LINGO2: variants seen among roughly 807,000 people sequenced by gnomAD.
LINGO2 encodes the protein leucine-rich repeat and immunoglobulin-like domain-containing nogo receptor-interacting protein 2.
LINGO2 carries 14 observed loss-of-function variants against 30.6 expected under a neutral mutation model. The observed-to-expected ratio is 0.46, with a 90% CI of 0.30 to 0.72. The LOEUF is 0.72. Among genes scored for constraint, LINGO2 ranks in the 30% least tolerant of loss-of-function variants. LINGO2 has a pLI of 0.07. For missense variants in LINGO2, 729 were observed against 751.7 expected, an observed-to-expected ratio of 0.97 and a Z score of 0.35; for synonymous variants, 317 against 288.5, an observed-to-expected ratio of 1.10 and a Z score of -1.00.
the LINGO2 span, among the ~76,000 whole-genome samples, chr9:29,008,240 T>C: frequency 2.6e-5 from 4 of 152,192 alleles, no homozygotes; most frequent in African/African-American, 9.6e-5. Flanking sequence ...TCCATATCCC[T>C]ACAAAGGACA....
intron 1 of LINGO2, among the ~76,000 whole-genome samples, chr9:28,573,045 T>G (rs376851174): frequency 5.9e-5 from 9 of 152,278 alleles, no homozygotes; most frequent in African/African-American, 2.2e-4. Flanking sequence ...TGTGGCAAGT[T>G]TTTCAATATC....
chr9:29,213,578 A>G, the LINGO2 span, among the ~76,000 whole-genome samples: 544 of 152,080 alleles, frequency 3.6e-3, 5 homozygotes, highest in African/African-American at 0.012. Context: ...AGCCGGGCTC[A>G]GAGCTCGGGC....
chr9:28,309,652 A>G (rs1272295685), intron 3 of LINGO2, among the ~76,000 whole-genome samples: 1 of 152,044 alleles, frequency 6.6e-6, no homozygotes, highest in Non-Finnish European at 1.5e-5. Flanking sequence ...AAAAAATTTA[A>G]AAAAATTGAT....
chr9:29,089,518 C>T, the LINGO2 span, among the ~76,000 whole-genome samples: 2 of 152,020 alleles, frequency 1.3e-5, no homozygotes, highest in African/African-American at 2.4e-5. Flanking sequence ...TATGATAGGA[C>T]ATTTTAAACA....
chr9:28,978,124 T>C, the LINGO2 span, among the ~76,000 whole-genome samples: 1 of 152,186 alleles, frequency 6.6e-6, no homozygotes, highest in Non-Finnish European at 1.5e-5. Flanking sequence ...CCACTATATA[T>C]GTGAACAGTA....
At chr9:28,756,165 T>C in the LINGO2 span, among the ~76,000 whole-genome samples, 2 of 152,030 alleles carry the variant, frequency 1.3e-5, no homozygotes, top group East Asian at 3.9e-4. Context: ...ACCTTTAGAG[T>C]TTACCCTTTG....
In LINGO2 at chr9:28,302,443, C is replaced by T. The variant is rs530868543; in HGVS notation, c.-245-7077G>A. Among the ~76,000 whole-genome samples, 15 of 152,266 alleles carry T rather than the reference C, an allele frequency of 9.9e-5. No homozygotes were observed. In the South Asian group the frequency reaches 3.1e-3, roughly 32 times the overall value. On this transcript the variant is annotated intron_variant, in intron 3 of 5. Transcript: ENST00000379992. ...CCTTTAATCCCAGCATTTTGGGAGGCCAAGACAGGTGGATTACTTGAGCTC... is the reference window on the plus strand; with the variant it reads ...CCTTTAATCCCAGCATTTTGGGAGGTCAAGACAGGTGGATTACTTGAGCTC...
At chr9:28,993,846 T>G in the LINGO2 span, among the ~76,000 whole-genome samples, 1 of 152,068 alleles carries the variant, frequency 6.6e-6, no homozygotes, top group Non-Finnish European at 1.5e-5. Flanking sequence ...CTCAATAAAT[T>G]AGGTACTGAT....
chr9:28,189,901 T>C (rs1819756499), intron 4 of LINGO2, among the ~76,000 whole-genome samples: 1 of 151,554 alleles, frequency 6.6e-6, no homozygotes, highest in South Asian at 2.1e-4. Flanking sequence ...TGGGTACTGA[T>C]GGAGAAGAGA....
chr9:28,306,659 C>T (rs891050227), intron 3 of LINGO2, among the ~76,000 whole-genome samples: 1 of 151,868 alleles, frequency 6.6e-6, no homozygotes, highest in African/African-American at 2.4e-5. Flanking sequence ...TTGAAAGGAT[C>T]AACAAAATTG....
At chr9:28,616,221 C>T (rs1161048913) in intron 1 of LINGO2, among the ~76,000 whole-genome samples, 1 of 152,024 alleles carries the variant, frequency 6.6e-6, no homozygotes, top group Middle Eastern at 3.2e-3. Context: ...CAAAATACAG[C>T]GTGAACAAAA....
In LINGO2 at chr9:28,246,140, C is replaced by A. The variant is rs115962572; in HGVS notation, c.-87+49068G>T. ...AGAATAGAGACCTCAGAAATAAGAC[C>A]ACATGCCAGGCACGGTGGCTCATGC... is the stretch of plus-strand genomic sequence containing the variant. On this transcript the variant is annotated intron_variant, in intron 4 of 5. Transcript: ENST00000379992. Among the ~76,000 whole-genome samples, 944 of 152,004 alleles carry A rather than the reference C, an allele frequency of 6.2e-3. 8 individuals are homozygous for A. Among genetic ancestry groups the A allele is most frequent in the African/African-American group, 0.021 (858 of 41,466 alleles).
intron 1 of LINGO2, among the ~76,000 whole-genome samples, chr9:28,525,979 C>A (rs1009383973): frequency 6.9e-6 from 1 of 144,754 alleles, no homozygotes; most frequent in Non-Finnish European, 1.5e-5. Flanking sequence ...TGGCATGAAC[C>A]CGGGAGGCAG....
chr9:29,164,072 G>C, the LINGO2 span, among the ~76,000 whole-genome samples: 1 of 150,974 alleles, frequency 6.6e-6, no homozygotes, highest in African/African-American at 2.4e-5. Context: ...TGCTGTGAGG[G>C]AACCTAAGCA....
At chr9:28,391,690 C>A (rs1271669427) in intron 2 of LINGO2, among the ~76,000 whole-genome samples, 2 of 151,608 alleles carry the variant, frequency 1.3e-5, no homozygotes, top group East Asian at 3.9e-4. Context: ...ATCATGTTTT[C>A]TTTATTGCTG....
At chr9:28,708,937 C>A in the LINGO2 span, among the ~76,000 whole-genome samples, 1 of 152,082 alleles carries the variant, frequency 6.6e-6, no homozygotes, top group Non-Finnish European at 1.5e-5. Flanking sequence ...AACCAACAAA[C>A]AATGTATCTT....
At chr9:28,641,446 C>T (rs1204186034) in intron 1 of LINGO2, among the ~76,000 whole-genome samples, 1 of 151,992 alleles carries the variant, frequency 6.6e-6, no homozygotes, top group African/African-American at 2.4e-5. Context: ...GAAAACTGGC[C>T]CCAAGAAAGT....
At chr9:28,531,076 T>C (rs1299681216) in intron 1 of LINGO2, among the ~76,000 whole-genome samples, 1 of 148,222 alleles carries the variant, frequency 6.7e-6, no homozygotes, top group Non-Finnish European at 1.5e-5. Flanking sequence ...ATATATAAAA[T>C]TCCAAATTAA....
chr9:28,613,180 TAC>T (rs1171123410), intron 1 of LINGO2, among the ~76,000 whole-genome samples: 7 of 152,148 alleles, frequency 4.6e-5, no homozygotes, highest in African/African-American at 1.7e-4. Context: ...CTTTATAAAT[TAC>T]ACAGTCTTGG....
Sources: gnomAD v4.1 joint callset for allele counts (sites outside exome capture counted in the v4.1 genomes callset) on GRCh38, gnomAD v4.1.1 for gene constraint, MANE v1.5 for transcripts, NCBI Gene and HGNC (gene_info 2026-07-23, HGNC 2026-07-21) for gene names.